Variants in PIEZO2 observed in about 807,000 individuals in gnomAD.
The protein encoded by PIEZO2 is piezo type mechanosensitive ion channel component 2, also known as piezo-type mechanosensitive ion channel component 2.
In PIEZO2, 172 loss-of-function variants were observed where a neutral mutation model predicts 337.3. The ratio of observed to expected loss-of-function variants is 0.51; its 90% CI spans 0.45 to 0.58. PIEZO2 has a LOEUF of 0.58. Among genes scored for constraint, PIEZO2 ranks in the 20% least tolerant of loss-of-function variants. The pLI, the probability that PIEZO2 is intolerant of heterozygous loss-of-function variation, is 0.00. For missense variants in PIEZO2, 3,028 were observed against 3,391.3 expected, an observed-to-expected ratio of 0.89 and a Z score of 2.66; for synonymous variants, 1,251 against 1,228.5, an observed-to-expected ratio of 1.02 and a Z score of -0.38.
chr18:10,917,604 A>G (rs749455098), intron 3 of PIEZO2, among the ~76,000 whole-genome samples: 2 of 152,200 alleles, frequency 1.3e-5, no homozygotes, highest in African/African-American at 2.4e-5. Flanking sequence ...AAGGAGGCAC[A>G]GTTTTCATTT....
chr18:11,026,135 ATT>A (rs1428709188), intron 2 of PIEZO2, among the ~76,000 whole-genome samples: 2 of 152,236 alleles, frequency 1.3e-5, no homozygotes, highest in African/African-American at 2.4e-5. Context: ...CAAACATGCA[ATT>A]GAGTTGCACC....
intron 4 of PIEZO2, among the ~76,000 whole-genome samples, chr18:10,874,679 A>T (rs968758618): frequency 6.6e-6 from 1 of 152,162 alleles, no homozygotes; most frequent in Non-Finnish European, 1.5e-5. Context: ...AACATGGAAG[A>T]AACTAGAGGT....
At chr18:11,053,541 C>T (rs904382640) in intron 2 of PIEZO2, among the ~76,000 whole-genome samples, 3 of 152,198 alleles carry the variant, frequency 2.0e-5, no homozygotes, top group African/African-American at 7.2e-5. Context: ...CTTAGCCTCC[C>T]AAGCAGCTGG....
intron 7 of PIEZO2, 91 bp from the exon 8 acceptor site, chr18:10,807,365 T>C: frequency 8.4e-7 from 1 of 1,193,830 alleles, no homozygotes; most frequent in Non-Finnish European, 1.2e-6. Context: ...GATACATTCG[T>C]GAGCTATTCC....
chr18:10,719,604 C>T (rs558569319), intron 36 of PIEZO2, among the ~76,000 whole-genome samples: 2 of 152,260 alleles, frequency 1.3e-5, no homozygotes, highest in South Asian at 2.1e-4. Flanking sequence ...CGTTCATCAA[C>T]GGACACTTAG....
chr18:10,874,791 G>T (rs1440190238), intron 4 of PIEZO2, among the ~76,000 whole-genome samples: 1 of 152,116 alleles, frequency 6.6e-6, no homozygotes, highest in Admixed American at 6.5e-5. Context: ...ATACAGAGAG[G>T]TGGTAACCAA....
intron 2 of PIEZO2, among the ~76,000 whole-genome samples, chr18:11,022,119 G>A (rs1367926648): frequency 1.3e-5 from 2 of 152,196 alleles, no homozygotes; most frequent in African/African-American, 4.8e-5. Context: ...AGAGGTAGGG[G>A]TATAGTGGAT....
intron 2 of PIEZO2, among the ~76,000 whole-genome samples, chr18:11,041,909 G>T (rs1454138945): frequency 6.6e-6 from 1 of 152,168 alleles, no homozygotes; most frequent in African/African-American, 2.4e-5. Context: ...TGAGCAGAAA[G>T]AGTGACAGTG....
chr18:10,742,629 T>C lies in PIEZO2; in HGVS notation c.4515-14A>G, dbSNP rs1022454580. 5.2e-6 allele frequency: 8 copies of C among 1,536,664 alleles called. No homozygotes were observed. The African/African-American group carries it at 8.2e-5, about 16-fold the overall frequency. ...ATGCGATCCATCCTATAAAGTAAAA[T>C]AACATTAGTAATGCCAAGAACATAT... On this transcript the variant is annotated splice_polypyrimidine_tract_variant and intron_variant, in intron 31 of 55. Transcript: ENST00000674853.
chr18:10,740,374 G>A (rs1448825725), intron 33 of PIEZO2: 1 of 152,346 alleles, frequency 6.6e-6, no homozygotes, highest in African/African-American at 2.4e-5. Context: ...CTGAGCATCA[G>A]GTGGCTTGAA....
intron 2 of PIEZO2, among the ~76,000 whole-genome samples, chr18:10,996,634 C>T (rs987747895): frequency 2.6e-5 from 4 of 152,142 alleles, no homozygotes; most frequent in South Asian, 2.1e-4. Context: ...GTTTTCAAGG[C>T]TCATTCACCT....
At chr18:10,752,034 C>G (rs977780272) in intron 28 of PIEZO2, among the ~76,000 whole-genome samples, 2 of 152,180 alleles carry the variant, frequency 1.3e-5, no homozygotes, top group Admixed American at 1.3e-4. Context: ...GTACATTGCT[C>G]TAGCTGTGTC....
chr18:10,742,431 T>A, intron 32 of PIEZO2, 63 bp downstream of exon 32: 1 of 1,506,188 alleles, frequency 6.6e-7, no homozygotes, highest in Non-Finnish European at 8.9e-7. Context: ...TTTACAGCCC[T>A]GCTCAATATC....
rs767933458 is a variant in PIEZO2, at chr18:10,855,229, CTT to C, written c.917+122_917+123del. 7.7e-5 allele frequency: 64 copies of C among 832,706 alleles called. No homozygotes were observed. The highest frequency in any genetic ancestry group is 1.1e-4 in the Non-Finnish European group (61 of 536,502). 51.6% of individuals were successfully genotyped at this position (832,706 alleles called of 1,614,324 possible). On this transcript the variant is annotated intron_variant, in intron 7 of 55. Coordinates refer to ENST00000674853, the MANE Select transcript of PIEZO2 (RefSeq NM_001378183.1). This position sits in a 1 kb window ranked among gnomAD's most constrained non-coding sequence, Gnocchi z 4.9. The stretch of plus-strand genomic sequence containing the variant: ...ACTGCTTCACCCACCCCCACAAAAT[CTT>C]TGCTTAACACAGCAATTGCCTGCCA...
At chr18:10,675,167 A>T (rs1334057678) in intron 54 of PIEZO2, 42 bp downstream of exon 54, 2 of 1,346,982 alleles carry the variant, frequency 1.5e-6, no homozygotes, top group African/African-American at 3.0e-5. Flanking sequence ...GAATAAAACT[A>T]GGATTGAAAA....
In PIEZO2 at chr18:10,770,325, A is replaced by G. The variant is rs1479705447; in HGVS notation, c.2786-17T>C. ...TCCTTAAGTCTGCAAAATAGGAAGT[A>G]CAGACAAGAGCATAACATTTTTAAA... is the stretch of plus-strand genomic sequence containing the variant. On this transcript the variant is annotated splice_polypyrimidine_tract_variant and intron_variant, in intron 20 of 55. Transcript: ENST00000674853. 6.5e-7 allele frequency: 1 copy of G among 1,530,440 alleles called. No individual in the cohort carries two copies. Among genetic ancestry groups the G allele is most frequent in the Non-Finnish European group, 8.7e-7 (1 of 1,143,442 alleles). The allele number at this position is 1,530,440 out of a possible 1,614,324, so 94.8% of individuals were successfully genotyped here. A position where few individuals can be genotyped will look rare whatever the true frequency, so the allele number is the denominator to read the frequency against.
chr18:11,085,456 T>A (rs2038877799), intron 1 of PIEZO2, among the ~76,000 whole-genome samples: 1 of 152,188 alleles, frequency 6.6e-6, no homozygotes, highest in Non-Finnish European at 1.5e-5. Flanking sequence ...CTCCTCTTCC[T>A]TCCCCCTGTA....
At chr18:10,925,793 C>T (rs961588380) in intron 3 of PIEZO2, among the ~76,000 whole-genome samples, 1 of 152,166 alleles carries the variant, frequency 6.6e-6, no homozygotes, top group Admixed American at 6.5e-5. Flanking sequence ...TGGTCTCGAT[C>T]TCCTGACCTC....
rs1381673330 is a variant in PIEZO2 at position 11,109,833 on chromosome 18, A to G, written c.64+38692T>C. Reference sequence around the variant, plus strand: ...AAATCTTAGATATACAGATTTTTCCACAGATCTTTCTTTTCTTGCTTTCCT... The same window carrying G: ...AAATCTTAGATATACAGATTTTTCCGCAGATCTTTCTTTTCTTGCTTTCCT... On this transcript the variant is annotated intron_variant, in intron 1 of 55. Coordinates refer to ENST00000674853, the MANE Select transcript of PIEZO2 (RefSeq NM_001378183.1). The surrounding 1 kb of genome is among the most constrained non-coding windows in gnomAD (Gnocchi z 5.1). 6.6e-6 allele frequency among the ~76,000 whole-genome samples: 1 copy of G among 152,214 alleles called. No homozygotes were observed. Among genetic ancestry groups the G allele is most frequent in the Admixed American group, 6.5e-5 (1 of 15,276 alleles).
Sources: allele counts gnomAD v4.1 joint callset (sites outside exome capture counted in the v4.1 genomes callset), GRCh38; gene constraint gnomAD v4.1.1; non-coding constraint Gnocchi (gnomAD v3.1); transcripts MANE v1.5; gene names NCBI Gene and HGNC (gene_info 2026-07-23, HGNC 2026-07-21).